Variants in CPEB1 observed in about 807,000 individuals in gnomAD.
CPEB1 encodes the protein cytoplasmic polyadenylation element binding protein 1.
CPEB1 carries 7 observed loss-of-function variants against 65.8 expected under a neutral mutation model. The ratio of observed to expected loss-of-function variants is 0.11; its 90% CI spans 0.06 to 0.20. The LOEUF is 0.20. Among genes scored for constraint, CPEB1 ranks in the 10% least tolerant of loss-of-function variants. The probability of loss-of-function intolerance (pLI) is 1.00; values close to 1 mark genes in which losing one functional copy is unlikely to be tolerated. For missense variants in CPEB1, 551 were observed against 712.2 expected, an observed-to-expected ratio of 0.77 and a Z score of 2.58; for synonymous variants, 262 against 260.0, an observed-to-expected ratio of 1.01 and a Z score of -0.08.
chr15:82,561,736 C>T (rs2038245660), intron 4 of CPEB1, among the ~76,000 whole-genome samples: 1 of 152,228 alleles, frequency 6.6e-6, no homozygotes, highest in Non-Finnish European at 1.5e-5. Context: ...AAGTTCTCTA[C>T]TGTGCCTACA....
intron 3 of CPEB1, among the ~76,000 whole-genome samples, chr15:82,615,718 T>G (rs1290342539): frequency 5.9e-5 from 9 of 152,196 alleles, no homozygotes; most frequent in African/African-American, 2.2e-4. Flanking sequence ...CTACATGGAA[T>G]GTGACTGAAA....
chr15:82,547,256 G>A lies in CPEB1; in HGVS notation c.1481-19C>T, dbSNP rs763194835. The A allele has an allele frequency of 3.1e-6, 4 of 1,304,134 alleles. No individual in the cohort carries two copies. The highest frequency in any genetic ancestry group is 4.3e-6 in the Non-Finnish European group (4 of 920,220). 80.8% of individuals were successfully genotyped at this position (1,304,134 alleles called of 1,614,324 possible). A position where few individuals can be genotyped will look rare whatever the true frequency, so the allele number is the denominator to read the frequency against. Reference sequence around the variant, plus strand: ...CCAGAACCTAGGACAACAGACACAAGCTTCCCTTCTAACCAAATTCTCCCA... The same window carrying A: ...CCAGAACCTAGGACAACAGACACAAACTTCCCTTCTAACCAAATTCTCCCA... On this transcript the variant is annotated intron_variant, in intron 10 of 12. Transcript: ENST00000684509.
At chr15:82,556,277 G>A in intron 5 of CPEB1, 155 bp from the exon 6 acceptor site, 2 of 804,762 alleles carry the variant, frequency 2.5e-6, no homozygotes, top group East Asian at 6.1e-5. Context: ...ATTAGTTCTA[G>A]TTATACTATA....
At chr15:82,607,405 T>C (rs1055152233) in intron 3 of CPEB1, among the ~76,000 whole-genome samples, 11 of 152,106 alleles carry the variant, frequency 7.2e-5, no homozygotes, top group African/African-American at 2.4e-4. Flanking sequence ...CTGGCCAACA[T>C]GGTGAAACCC....
At chr15:82,640,498 C>G (rs1340917956) in intron 1 of CPEB1, among the ~76,000 whole-genome samples, 4 of 152,178 alleles carry the variant, frequency 2.6e-5, no homozygotes, top group African/African-American at 9.7e-5. Flanking sequence ...TGTCCTTATA[C>G]ATGTTGTTCC....
intron 3 of CPEB1, among the ~76,000 whole-genome samples, chr15:82,610,055 C>A (rs1298885754): frequency 3.3e-5 from 4 of 121,174 alleles, no homozygotes; most frequent in African/African-American, 1.2e-4. Context: ...AGCAAACCTC[C>A]GTGGCAAAAA....
chr15:82,648,114 C>T (rs587669363), upstream of CPEB1: 3 of 363,454 alleles, frequency 8.3e-6, no homozygotes, highest in Admixed American at 4.7e-5. Flanking sequence ...CAGGCCGAGC[C>T]GAGGAGGGCT....
At chr15:82,623,409 G>C (rs1596122436) in intron 3 of CPEB1, among the ~76,000 whole-genome samples, 1 of 152,218 alleles carries the variant, frequency 6.6e-6, no homozygotes, top group Non-Finnish European at 1.5e-5. Flanking sequence ...CAGGTGCGGT[G>C]GCTCACGCCT....
At chr15:82,633,773 C>T (rs2046442005) in intron 1 of CPEB1, among the ~76,000 whole-genome samples, 1 of 152,174 alleles carries the variant, frequency 6.6e-6, no homozygotes, top group Admixed American at 6.5e-5. Context: ...CCATGATCAT[C>T]AACTAGGACA....
At chr15:82,602,855 TAAATAAAAATAAATA>T (rs1201476678) in intron 3 of CPEB1, among the ~76,000 whole-genome samples, 2 of 151,700 alleles carry the variant, frequency 1.3e-5, no homozygotes, top group Non-Finnish European at 2.9e-5. Flanking sequence ...AAAAACTAAA[TAAATAAAAATAAATA>T]AAATAAAATC....
At chr15:82,589,438 T>C (rs190701315) in intron 3 of CPEB1, among the ~76,000 whole-genome samples, 4 of 152,312 alleles carry the variant, frequency 2.6e-5, no homozygotes, top group African/African-American at 7.2e-5. Context: ...AGTCTTCATA[T>C]TGCTGAGTAT....
Position 82,557,847 on chromosome 15 carries a change from C to G in CPEB1, c.600G>C (p.Arg200=). ...PSVRGSRLDT[R]PILDSRSSSP... ...TGCTAGATCGAGAGTCCAGGATGGG[C>G]CGGGTGTCCAGGCGTGATCCTCTAA... Residue 200 remains arginine (R), a synonymous_variant, in exon 5 of 13, where the codon CGG becomes CGC. Transcript: ENST00000684509. The G allele has an allele frequency of 6.2e-7, 1 of 1,614,092 alleles. No individual in the cohort carries two copies. The highest frequency in any genetic ancestry group is 1.7e-5 in the Admixed American group (1 of 60,014).
chr15:82,559,075 A>G (rs1297184603), intron 4 of CPEB1, among the ~76,000 whole-genome samples: 1 of 152,118 alleles, frequency 6.6e-6, no homozygotes, highest in Non-Finnish European at 1.5e-5. Flanking sequence ...CGCCCTGACT[A>G]GCAATGAAAT....
intron 3 of CPEB1, among the ~76,000 whole-genome samples, chr15:82,574,434 G>T (rs746164123): frequency 2.1e-4 from 32 of 152,078 alleles, no homozygotes; most frequent in Non-Finnish European, 4.4e-4. Context: ...GAAAATATTT[G>T]AGGCCAGGTG....
In CPEB1 at chr15:82,549,731, C is replaced by T. The variant is rs901878209; in HGVS notation, c.1282-73G>A. ...AGAGAGGTGCTTGCACGGCAAGGTA[C>T]GTGCTCTGGAGATACTGAAGCTAAG... On this transcript the variant is annotated intron_variant, in intron 9 of 12. Transcript: ENST00000684509. The T allele has an allele frequency of 5.6e-5, 80 of 1,428,362 alleles. No homozygotes were observed. In the East Asian group the frequency reaches 1.3e-3, roughly 22 times the overall value. 88.5% of individuals were successfully genotyped at this position (1,428,362 alleles called of 1,614,324 possible).
Position 82,627,201 on chromosome 15 carries a change from T to C in CPEB1, c.263A>G (p.His88Arg). 1.2e-6 allele frequency: 2 copies of C among 1,610,676 alleles called. No individual in the cohort carries two copies. Among genetic ancestry groups the C allele is most frequent in the Non-Finnish European group, 1.7e-6 (2 of 1,178,490 alleles). ...TTTCAAACCTAAATCACCTGGCAAATGATCATGAATTCCTCGGTTTATAGG... is the reference window on the plus strand; with the variant it reads ...TTTCAAACCTAAATCACCTGGCAAACGATCATGAATTCCTCGGTTTATAGG... Reference protein sequence around the residue: ...TTPINRGIHDHLPDFQDSEET... With the variant: ...TTPINRGIHDRLPDFQDSEET... Residue 88 changes from histidine (H) to arginine (R), a missense_variant, in exon 3 of 13, where the codon CAT becomes CGT. His to Arg is a conservative substitution (Grantham distance 29). Transcript: ENST00000684509.
intron 3 of CPEB1, among the ~76,000 whole-genome samples, chr15:82,611,309 AAAATT>A (rs572241247): frequency 7.6e-4 from 116 of 152,342 alleles, no homozygotes; most frequent in Non-Finnish European, 1.4e-3. Flanking sequence ...ATCTGAAAAT[AAAATT>A]AACAGTTTGA....
At chr15:82,573,553 C>A (rs767506625) in intron 3 of CPEB1, among the ~76,000 whole-genome samples, 2 of 152,108 alleles carry the variant, frequency 1.3e-5, no homozygotes, top group Non-Finnish European at 2.9e-5. Context: ...TCTATATAAT[C>A]CCCATACCCC....
chr15:82,585,556 AT>A (rs1357254967), intron 3 of CPEB1, among the ~76,000 whole-genome samples: 1 of 152,172 alleles, frequency 6.6e-6, no homozygotes, highest in Non-Finnish European at 1.5e-5. Context: ...GAAGACAGGC[AT>A]TATATCCCTT....
Sources: allele counts gnomAD v4.1 joint callset (sites outside exome capture counted in the v4.1 genomes callset), GRCh38; gene constraint gnomAD v4.1.1; transcripts MANE v1.5; gene names NCBI Gene and HGNC (gene_info 2026-07-23, HGNC 2026-07-21).